The following BRI3BP variants were observed in gnomAD, a reference collection of about 807,000 sequenced individuals.
BRI3BP encodes the protein BRI3 binding protein, also known as BRI3-binding protein.
In BRI3BP, 7 loss-of-function variants were observed where a neutral mutation model predicts 15.8. The ratio of observed to expected loss-of-function variants is 0.44; its 90% CI spans 0.25 to 0.83. The LOEUF (loss-of-function observed/expected upper bound fraction) is 0.83, where lower values mean the gene tolerates loss of function less well. Among genes scored for constraint, BRI3BP ranks in the 40% least tolerant of loss-of-function variants. The pLI, the probability that BRI3BP is intolerant of heterozygous loss-of-function variation, is 0.20. For synonymous variants in BRI3BP, 192 were observed against 163.5 expected (o/e 1.17, Z -1.33); for missense variants, 320 against 339.3 (o/e 0.94, Z 0.45).
intron 2 of BRI3BP, among the ~76,000 whole-genome samples, chr12:125,021,704 G>A (rs1052986063): frequency 5.9e-5 from 9 of 152,210 alleles, no homozygotes; most frequent in Admixed American, 2.0e-4. Flanking sequence ...GTGGTGGCAG[G>A]AGAGAGGAAG....
At chr12:125,016,641 C>G (rs1245343355) in intron 2 of BRI3BP, among the ~76,000 whole-genome samples, 1 of 151,554 alleles carries the variant, frequency 6.6e-6, no homozygotes, top group East Asian at 1.9e-4. Flanking sequence ...TTCTCCTGCC[C>G]CAGCCTGCCA....
downstream of BRI3BP, among the ~76,000 whole-genome samples, chr12:125,032,290 G>A (rs577780512): frequency 2.0e-5 from 3 of 151,936 alleles, no homozygotes; most frequent in Non-Finnish European, 2.9e-5. Flanking sequence ...GTGAAACCCC[G>A]TCTCTACTAA....
chr12:125,011,901 A>G (rs1955199729), intron 1 of BRI3BP, among the ~76,000 whole-genome samples: 1 of 152,090 alleles, frequency 6.6e-6, no homozygotes, highest in African/African-American at 2.4e-5. Context: ...AAAATGAGAA[A>G]CCCGCAGGGT....
intron 1 of BRI3BP, among the ~76,000 whole-genome samples, chr12:125,002,143 C>G (rs1223881155): frequency 1.3e-5 from 2 of 152,142 alleles, no homozygotes; most frequent in African/African-American, 2.4e-5. Context: ...CACTTTTTGT[C>G]TATTGTGAAT....
the BRI3BP span, among the ~76,000 whole-genome samples, chr12:125,050,264 C>T: frequency 6.6e-6 from 1 of 151,776 alleles, no homozygotes; most frequent in South Asian, 2.1e-4. Flanking sequence ...GCAGGAAAAT[C>T]GCTTAAACCC....
At chr12:125,050,061 T>C in the BRI3BP span, among the ~76,000 whole-genome samples, 1 of 152,058 alleles carries the variant, frequency 6.6e-6, no homozygotes, top group Non-Finnish European at 1.5e-5. Context: ...CACTAAAGAA[T>C]AAATTAATAG....
rs376440864 is a variant in BRI3BP, at chr12:124,999,644, G to A, written c.213+5641G>A. 2.9e-4 allele frequency among the ~76,000 whole-genome samples: 44 copies of A among 149,992 alleles called. No individual in the cohort carries two copies. The East Asian group carries it at 8.0e-3, about 27-fold the overall frequency. ...ATTTATTTATTTTTCTTGAGACGGA[G>A]TCTCCCTCTGTCGCCCAGGCTGGAG... is the stretch of plus-strand genomic sequence containing the variant. On this transcript the variant is annotated intron_variant, in intron 1 of 2. Coordinates refer to ENST00000341446, the MANE Select transcript of BRI3BP (RefSeq NM_080626.6).
chr12:125,008,299 CTTTT>C (rs55697100), intron 1 of BRI3BP, among the ~76,000 whole-genome samples: 25 of 99,922 alleles, frequency 2.5e-4, no homozygotes, highest in African/African-American at 8.5e-4. Context: ...CCTCTTCTTT[CTTTT>C]TTTTTTTTTT....
rs534796485 is a variant in BRI3BP, at chr12:125,023,246, C to T, written c.317-1745C>T. Reference sequence around the variant, plus strand: ...TGAGGCGGGTTTGATGGCTCTGATGCATGTGGTGCTCTGGACCAAAGCACC... The same window carrying T: ...TGAGGCGGGTTTGATGGCTCTGATGTATGTGGTGCTCTGGACCAAAGCACC... On this transcript the variant is annotated intron_variant, in intron 2 of 2. Transcript: ENST00000341446. 5.9e-5 allele frequency among the ~76,000 whole-genome samples: 9 copies of T among 152,228 alleles called. No individual in the cohort carries two copies. In the South Asian group the frequency reaches 1.9e-3, roughly 32 times the overall value.
intron 1 of BRI3BP, among the ~76,000 whole-genome samples, chr12:125,004,003 AAC>A (rs1955121577): frequency 7.7e-6 from 1 of 129,698 alleles, no homozygotes; most frequent in Admixed American, 7.6e-5. Flanking sequence ...ACACACACAC[AAC>A]ACACAATACC....
Position 124,993,945 on chromosome 12 carries a change from C to A in BRI3BP, c.155C>A (p.Thr52Asn). ...AACAGCTACCGCCGCACGGTCAACA[C>A]CTTCTCCCAGAGCGTCAGCAGCCTG... Reference protein sequence around the residue: ...EKNSYRRTVNTFSQSVSSLFG... With the variant: ...EKNSYRRTVNNFSQSVSSLFG... The change falls in exon 1 of 3, where the codon ACC becomes AAC. Residue 52 changes from threonine to asparagine, a missense_variant. Physicochemically the swap from Thr to Asn is moderately conservative, Grantham distance 65. Transcript: ENST00000341446. 2 of 1,370,098 alleles carry A rather than the reference C, an allele frequency of 1.5e-6. No homozygotes were observed. Among genetic ancestry groups the A allele is most frequent in the Non-Finnish European group, 1.9e-6 (2 of 1,048,610 alleles). The allele number at this position is 1,370,098 out of a possible 1,614,324, so 84.9% of individuals were successfully genotyped here.
intron 1 of BRI3BP, among the ~76,000 whole-genome samples, chr12:125,000,761 C>T (rs757004155): frequency 5.9e-5 from 9 of 152,210 alleles, no homozygotes; most frequent in Non-Finnish European, 1.2e-4. Flanking sequence ...ATCCGATAGA[C>T]ACATACACAC....
chr12:125,030,741 ACT>A lies in BRI3BP; in HGVS notation c.*5312_*5313del. 6.6e-6 allele frequency: 1 copy of A among 152,178 alleles called. No individual in the cohort carries two copies. Among genetic ancestry groups the A allele is most frequent in the South Asian group, 2.1e-4 (1 of 4,830 alleles). 9.4% of individuals were successfully genotyped at this position (152,178 alleles called of 1,614,324 possible). A position where few individuals can be genotyped will look rare whatever the true frequency, so the allele number is the denominator to read the frequency against. On this transcript the variant is annotated 3_prime_UTR_variant, in exon 3 of 3. Transcript: ENST00000341446. ...GAATACCATGTAATTAAACTGATTA[ACT>A]TGTGATGGTGATGGTGATTAGCACA...
At chr12:125,048,810 A>G in the BRI3BP span, among the ~76,000 whole-genome samples, 2 of 152,012 alleles carry the variant, frequency 1.3e-5, no homozygotes, top group African/African-American at 2.4e-5. Context: ...CTACAAAAAT[A>G]TCTCCGTTCT....
chr12:125,045,809 GT>G, the BRI3BP span, among the ~76,000 whole-genome samples: 2 of 152,104 alleles, frequency 1.3e-5, no homozygotes, highest in Non-Finnish European at 2.9e-5. Flanking sequence ...TTCTCAAAGG[GT>G]TTTAGTTCAA....
chr12:125,040,779 G>A, the BRI3BP span, among the ~76,000 whole-genome samples: 1 of 151,310 alleles, frequency 6.6e-6, no homozygotes, highest in Non-Finnish European at 1.5e-5. Context: ...TGTCCAGGCT[G>A]GAGTGCAGTG....
chr12:125,017,671 G>A (rs1005483718), intron 2 of BRI3BP, among the ~76,000 whole-genome samples: 1 of 152,136 alleles, frequency 6.6e-6, no homozygotes, highest in African/African-American at 2.4e-5. Flanking sequence ...TTCTAGATCT[G>A]CTGGCACAGA....
chr12:125,016,474 T>TA (rs1453985402), intron 2 of BRI3BP, among the ~76,000 whole-genome samples: 1 of 108,024 alleles, frequency 9.3e-6, no homozygotes, highest in Non-Finnish European at 1.7e-5. Flanking sequence ...GTCAAAAGAG[T>TA]AAAAAGAAAT....
intron 1 of BRI3BP, among the ~76,000 whole-genome samples, chr12:125,010,636 C>T (rs1370243394): frequency 1.3e-5 from 2 of 151,970 alleles, no homozygotes; most frequent in African/African-American, 4.8e-5. Flanking sequence ...ATTAGCTGGG[C>T]ATGGTGGCGC....
Sources: gnomAD v4.1 joint callset for allele counts (sites outside exome capture counted in the v4.1 genomes callset) on GRCh38, gnomAD v4.1.1 for gene constraint, MANE v1.5 for transcripts, NCBI Gene and HGNC (gene_info 2026-07-23, HGNC 2026-07-21) for gene names.